Variants in PCCA observed in about 807,000 individuals in gnomAD.
PCCA encodes the protein propionyl-CoA carboxylase alpha chain, mitochondrial.
A neutral mutation model predicts 101.3 loss-of-function variants in PCCA; 74 were observed. The ratio of observed to expected loss-of-function variants is 0.73; its 90% CI spans 0.61 to 0.89. PCCA has a LOEUF of 0.89. Among genes scored for constraint, PCCA ranks in the 40% least tolerant of loss-of-function variants. The pLI is 0.00. For synonymous variants in PCCA, 294 were observed against 313.6 expected, an observed-to-expected ratio of 0.94 and a Z score of 0.66; for missense variants, 891 against 907.0, an observed-to-expected ratio of 0.98 and a Z score of 0.23.
intron 6 of PCCA, among the ~76,000 whole-genome samples, chr13:100,200,719 T>A (rs2058428810): frequency 6.6e-6 from 1 of 150,966 alleles, no homozygotes; most frequent in Non-Finnish European, 1.5e-5. Context: ...TAACCCAAAA[T>A]AGGGTATGTA....
chr13:100,440,190 AT>A (rs1566308246), intron 20 of PCCA, among the ~76,000 whole-genome samples: 21 of 99,160 alleles, frequency 2.1e-4, no homozygotes, highest in Admixed American at 6.0e-4. Flanking sequence ...ATATATATAT[AT>A]ATATATATAT....
chr13:100,149,107 TAGAA>T (rs1248768982), intron 4 of PCCA: 2 of 151,360 alleles, frequency 1.3e-5, no homozygotes, highest in Non-Finnish European at 2.9e-5. Flanking sequence ...TTGAATGAAA[TAGAA>T]AGAGTTCTAT....
chr13:100,118,743 T>G (rs1335393165), intron 4 of PCCA, among the ~76,000 whole-genome samples: 1 of 152,088 alleles, frequency 6.6e-6, no homozygotes, highest in African/African-American at 2.4e-5. Flanking sequence ...AAGATGGGGT[T>G]TCACCATCTT....
intron 21 of PCCA, among the ~76,000 whole-genome samples, chr13:100,479,059 G>A (rs1486653648): frequency 6.6e-6 from 1 of 152,142 alleles, no homozygotes; most frequent in Admixed American, 6.6e-5. Flanking sequence ...TTCTCTGACA[G>A]ATAATCATCA....
intron 17 of PCCA, among the ~76,000 whole-genome samples, chr13:100,330,949 A>C (rs951352096): frequency 2.0e-5 from 3 of 152,130 alleles, no homozygotes; most frequent in East Asian, 1.9e-4. Context: ...TCATTAGCCT[A>C]CCTGACTTCC....
At chr13:100,133,819 A>G (rs993243249) in intron 4 of PCCA, among the ~76,000 whole-genome samples, 6 of 152,216 alleles carry the variant, frequency 3.9e-5, no homozygotes, top group Admixed American at 1.3e-4. Flanking sequence ...CAGCGTGGCT[A>G]GAATGAAGCA....
rs562460502 is a variant in PCCA at position 100,224,601 on chromosome 13, C to T, written c.601-11241C>T. Among the ~76,000 whole-genome samples, 102 of 152,350 alleles carry T rather than the reference C, an allele frequency of 6.7e-4. 1 individual carries two copies. Among genetic ancestry groups the T allele is most frequent in the African/African-American group, 2.3e-3 (94 of 41,590 alleles). Reference sequence around the variant, plus strand: ...ACTGCCAGCACGCTGTCACCTCTCACTTCTTCAGGAGGACTGCAAGTATTC... The same window carrying T: ...ACTGCCAGCACGCTGTCACCTCTCATTTCTTCAGGAGGACTGCAAGTATTC... On this transcript the variant is annotated intron_variant, in intron 7 of 23. Transcript: ENST00000376285.
chr13:100,237,210 C>A (rs1033000215), intron 8 of PCCA: 1 of 152,224 alleles, frequency 6.6e-6, no homozygotes, highest in African/African-American at 2.4e-5. Context: ...CTTAGCAGGT[C>A]TTTAGTGACC....
chr13:100,113,287 C>T (rs1175988161), intron 4 of PCCA, among the ~76,000 whole-genome samples: 5 of 152,108 alleles, frequency 3.3e-5, no homozygotes, highest in East Asian at 1.9e-4. Flanking sequence ...TATCTAAACA[C>T]AGAAAAGGTA....
rs143191157 is a variant in PCCA, at chr13:100,168,531, A to G, written c.468+11191A>G. 2.8e-4 allele frequency among the ~76,000 whole-genome samples: 42 copies of G among 152,252 alleles called. No individual in the cohort carries two copies. The East Asian group carries it at 8.1e-3, about 29-fold the overall frequency. On this transcript the variant is annotated intron_variant, in intron 6 of 23. Coordinates refer to ENST00000376285, the MANE Select transcript of PCCA (RefSeq NM_000282.4). ...TGTATGCATGGGTCAGATTCCAAGC[A>G]CTCCAGCTGAGGCTAAAAGAACCAA...
chr13:100,430,222 C>T (rs1428521788), intron 20 of PCCA, among the ~76,000 whole-genome samples: 6 of 152,026 alleles, frequency 3.9e-5, no homozygotes, highest in Non-Finnish European at 7.4e-5. Context: ...GCTGAGATCG[C>T]GCCATTGCAC....
chr13:100,451,097 G>GACAGT (rs2081191900), intron 21 of PCCA, among the ~76,000 whole-genome samples: 1 of 152,194 alleles, frequency 6.6e-6, no homozygotes, highest in South Asian at 2.1e-4. Context: ...ACTGGCTGAA[G>GACAGT]CCCTCCTTGC....
In PCCA at chr13:100,284,709, G is replaced by A. The variant is rs533913217; in HGVS notation, c.1065+11363G>A. Among the ~76,000 whole-genome samples the A allele has an allele frequency of 4.3e-4, 65 of 152,284 alleles. 2 individuals carry two copies. In the South Asian group the frequency reaches 9.9e-3, roughly 23 times the overall value. Reference sequence around the variant, plus strand: ...TACCAGAGGAAGCAGAATGGTTCACGGTTCTGGACCTCAAGGATGTCTTCT... The same window carrying A: ...TACCAGAGGAAGCAGAATGGTTCACAGTTCTGGACCTCAAGGATGTCTTCT... On this transcript the variant is annotated intron_variant, in intron 12 of 23. Transcript: ENST00000376285.
intron 11 of PCCA, among the ~76,000 whole-genome samples, chr13:100,270,005 G>A (rs772021351): frequency 1.1e-4 from 17 of 152,162 alleles, no homozygotes; most frequent in African/African-American, 1.9e-4. Context: ...TCCAGCCCAG[G>A]CCTTGGGAAA....
Position 100,089,238 on chromosome 13 carries a change from G to C in PCCA, c.105+13G>C. The C allele has an allele frequency of 2.0e-6, 3 of 1,486,936 alleles. No individual in the cohort carries two copies. Among genetic ancestry groups the C allele is most frequent in the Non-Finnish European group, 1.8e-6 (2 of 1,116,770 alleles). The allele number at this position is 1,486,936 out of a possible 1,614,324, so 92.1% of individuals were successfully genotyped here. On this transcript the variant is annotated intron_variant, in intron 1 of 23. Transcript: ENST00000376285. ...GCGGACCCTGAAGGTGAGGAGCAAC[G>C]GGGCCTCGCGGGTCCGGGCTTCACT...
At position 100,390,212 on chromosome 13, in the gene PCCA, A is replaced by G. The variant is rs2076733360; in HGVS notation, c.1746+21638A>G. On this transcript the variant is annotated intron_variant, in intron 19 of 23. Transcript: ENST00000376285. ...ATGTTATTTAACAACAATTGTAGTCAACATGTACAATCTACTTTCATTTCT... is the reference window on the plus strand; with the variant it reads ...ATGTTATTTAACAACAATTGTAGTCGACATGTACAATCTACTTTCATTTCT... Among the ~76,000 whole-genome samples the G allele has an allele frequency of 1.3e-5, 2 of 152,232 alleles. 1 individual carries two copies. Among genetic ancestry groups the G allele is most frequent in the South Asian group, 4.1e-4 (2 of 4,832 alleles).
At chr13:100,523,480 C>T (rs1487155126) in intron 22 of PCCA, among the ~76,000 whole-genome samples, 1 of 152,150 alleles carries the variant, frequency 6.6e-6, no homozygotes, top group Non-Finnish European at 1.5e-5. Flanking sequence ...TCCCATCACT[C>T]ACAATTCATC....
chr13:100,203,131 G>A (rs113926640), intron 6 of PCCA, among the ~76,000 whole-genome samples: 3,120 of 151,466 alleles, frequency 0.021, 114 homozygotes, highest in African/African-American at 0.071. Context: ...AAAATTAGCC[G>A]GGCGTGGTGG....
chr13:100,129,691 C>G (rs1477071930), intron 4 of PCCA, among the ~76,000 whole-genome samples: 1 of 152,190 alleles, frequency 6.6e-6, no homozygotes, highest in African/African-American at 2.4e-5. Context: ...GGTTCTGCCT[C>G]CCTAGGTCCA....
Sources: gnomAD v4.1 joint callset for allele counts (sites outside exome capture counted in the v4.1 genomes callset) on GRCh38, gnomAD v4.1.1 for gene constraint, MANE v1.5 for transcripts, NCBI Gene and HGNC (gene_info 2026-07-23, HGNC 2026-07-21) for gene names.